The following NCKAP5 variants were observed in gnomAD, a reference collection of about 807,000 sequenced individuals.
The protein encoded by NCKAP5 is NCK associated protein 5.
Under a neutral mutation model 167.0 loss-of-function variants are expected in NCKAP5, and 92 were observed. That is an observed-to-expected ratio of 0.55 (90% CI 0.47 to 0.66). NCKAP5 has a LOEUF of 0.66. Among genes scored for constraint, NCKAP5 ranks in the 30% least tolerant of loss-of-function variants. The probability of loss-of-function intolerance (pLI) is 0.00; values close to 1 mark genes in which losing one functional copy is unlikely to be tolerated. For missense variants in NCKAP5, 2,378 were observed against 2,315.0 expected (o/e 1.03, Z -0.56); for synonymous variants, 891 against 877.4 (o/e 1.02, Z -0.27).
At chr2:133,516,676 G>A (rs1349660671) in intron 3 of NCKAP5, among the ~76,000 whole-genome samples, 2 of 152,180 alleles carry the variant, frequency 1.3e-5, no homozygotes, top group Non-Finnish European at 2.9e-5. Context: ...CTAGACTCCA[G>A]GACAGGTGCT....
At chr2:132,701,762 A>G (rs1019977980) in intron 19 of NCKAP5, among the ~76,000 whole-genome samples, 1 of 152,174 alleles carries the variant, frequency 6.6e-6, no homozygotes, top group Admixed American at 6.6e-5. Flanking sequence ...TTCTGTTCCT[A>G]CAAAAAAATA....
intron 19 of NCKAP5, among the ~76,000 whole-genome samples, chr2:132,710,205 G>A (rs1459517223): frequency 3.9e-5 from 6 of 152,096 alleles, no homozygotes; most frequent in Non-Finnish European, 8.8e-5. Context: ...CTTAGTTAAG[G>A]AGGCTTAAAG....
At chr2:132,879,860 GT>G (rs1380741000) in intron 8 of NCKAP5, among the ~76,000 whole-genome samples, 1 of 152,094 alleles carries the variant, frequency 6.6e-6, no homozygotes, top group Non-Finnish European at 1.5e-5. Context: ...TAACTTCATA[GT>G]TTTTTCCCAT....
intron 9 of NCKAP5, among the ~76,000 whole-genome samples, chr2:132,873,915 C>T (rs1259786641): frequency 2.6e-5 from 4 of 152,160 alleles, no homozygotes; most frequent in Non-Finnish European, 4.4e-5. Flanking sequence ...ATGCATTAGG[C>T]ACCTAGTGTG....
intron 4 of NCKAP5, among the ~76,000 whole-genome samples, chr2:133,273,298 A>C (rs1489526220): frequency 1.3e-5 from 2 of 152,160 alleles, no homozygotes; most frequent in Non-Finnish European, 2.9e-5. Flanking sequence ...AATGACGTTC[A>C]GTATCTTTTC....
At chr2:133,387,293 C>G (rs1160900624) in intron 3 of NCKAP5, among the ~76,000 whole-genome samples, 1 of 152,106 alleles carries the variant, frequency 6.6e-6, no homozygotes, top group East Asian at 1.9e-4. Context: ...TTTATTTCTC[C>G]TTCACTTATG....
In NCKAP5 at chr2:132,785,120, CCCCTCT is replaced by C; in HGVS notation, c.1685_1690del (p.Glu562_Arg563del). On this transcript the variant is annotated inframe_deletion, in exon 14 of 20. Coordinates refer to ENST00000409261, the MANE Select transcript of NCKAP5 (RefSeq NM_207363.3). Reference sequence around the variant, plus strand: ...GCGGCCATGGCCTTGGCCCTGTGGGCCCCTCTCCCTCTGTACCTGAGGCGTCTGCAC... The same window carrying C: ...GCGGCCATGGCCTTGGCCCTGTGGGCCCCTCTGTACCTGAGGCGTCTGCAC... 6.2e-7 allele frequency: 1 copy of C among 1,613,672 alleles called. No homozygotes were observed. Among genetic ancestry groups the C allele is most frequent in the Non-Finnish European group, 8.5e-7 (1 of 1,179,734 alleles).
chr2:132,931,231 C>T (rs1056098012), intron 8 of NCKAP5: 1 of 152,218 alleles, frequency 6.6e-6, no homozygotes, highest in Non-Finnish European at 1.5e-5. Flanking sequence ...GGACCGCATA[C>T]TTCTGTATCT....
chr2:133,640,595 A>T, the NCKAP5 span, among the ~76,000 whole-genome samples: 1 of 152,220 alleles, frequency 6.6e-6, no homozygotes, highest in Admixed American at 6.5e-5. Context: ...ACCCCTATAC[A>T]CAGTATCACT....
At chr2:133,657,931 A>C in the NCKAP5 span, among the ~76,000 whole-genome samples, 1 of 152,210 alleles carries the variant, frequency 6.6e-6, no homozygotes, top group Non-Finnish European at 1.5e-5. Flanking sequence ...GAAAGAACCC[A>C]AAACTCCGCA....
intron 4 of NCKAP5, among the ~76,000 whole-genome samples, chr2:133,271,036 C>G (rs976098046): frequency 1.3e-5 from 2 of 150,664 alleles, no homozygotes; most frequent in Non-Finnish European, 2.9e-5. Context: ...TCTCCTGCCT[C>G]AGCCTCCCGA....
intron 3 of NCKAP5, among the ~76,000 whole-genome samples, chr2:133,330,937 G>A (rs1352366683): frequency 6.6e-6 from 1 of 152,034 alleles, no homozygotes; most frequent in Non-Finnish European, 1.5e-5. Flanking sequence ...TATGTTCTAA[G>A]CACATATTAA....
At chr2:132,756,382 GA>G (rs527898309) in intron 16 of NCKAP5, among the ~76,000 whole-genome samples, 5 of 152,128 alleles carry the variant, frequency 3.3e-5, no homozygotes, top group Non-Finnish European at 5.9e-5. Context: ...TTGGGCCAGG[GA>G]AAAGCATTAG....
At chr2:132,839,887 C>T (rs1046890714) in intron 11 of NCKAP5, among the ~76,000 whole-genome samples, 2 of 150,332 alleles carry the variant, frequency 1.3e-5, no homozygotes, top group African/African-American at 2.4e-5. Context: ...TGTATTCTTA[C>T]AATAAAGTAA....
chr2:133,059,934 G>GAAA (rs34377278), intron 6 of NCKAP5, among the ~76,000 whole-genome samples: 1 of 142,604 alleles, frequency 7.0e-6, no homozygotes, highest in Non-Finnish European at 1.5e-5. Context: ...AATTTCTCCA[G>GAAA]AAAAAAAAAA....
chr2:132,946,293 G>T lies in NCKAP5; in HGVS notation c.579+17427C>A, dbSNP rs538702990. ...GTCCTCTGGTAGAGCCAATATGAGT[G>T]ACCTTCTAAGGCACCCAGAGGAAAA... On this transcript the variant is annotated intron_variant, in intron 8 of 19. Coordinates refer to ENST00000409261, the MANE Select transcript of NCKAP5 (RefSeq NM_207363.3). 5.3e-5 allele frequency among the ~76,000 whole-genome samples: 8 copies of T among 152,214 alleles called. No homozygotes were observed. In the South Asian group the frequency reaches 1.7e-3, roughly 32 times the overall value.
intron 4 of NCKAP5, among the ~76,000 whole-genome samples, chr2:133,216,262 AATTGGATTTT>A (rs2086424656): frequency 6.6e-6 from 1 of 152,088 alleles, no homozygotes; most frequent in Non-Finnish European, 1.5e-5. Flanking sequence ...TCCAATAAAT[AATTGGATTTT>A]TTTTTCTTTT....
At chr2:132,987,783 A>C (rs1218133137) in intron 7 of NCKAP5, among the ~76,000 whole-genome samples, 1 of 152,148 alleles carries the variant, frequency 6.6e-6, no homozygotes, top group Non-Finnish European at 1.5e-5. Context: ...CAAGCACTCC[A>C]TTTTTATGGC....
chr2:133,446,892 T>C (rs1483975906), intron 3 of NCKAP5, among the ~76,000 whole-genome samples: 1 of 151,712 alleles, frequency 6.6e-6, no homozygotes, highest in African/African-American at 2.4e-5. Context: ...GTGCCCATAT[T>C]TAGTGGGTGG....
Sources: allele counts gnomAD v4.1 joint callset (sites outside exome capture counted in the v4.1 genomes callset), GRCh38; gene constraint gnomAD v4.1.1; transcripts MANE v1.5; gene names NCBI Gene and HGNC (gene_info 2026-07-23, HGNC 2026-07-21).